PAPPA2: variants seen among roughly 807,000 people sequenced by gnomAD.
The protein encoded by PAPPA2 is pappalysin-2.
A neutral mutation model predicts 176.4 loss-of-function variants in PAPPA2; 86 were observed. The ratio of observed to expected loss-of-function variants is 0.49; its 90% CI spans 0.41 to 0.58. The LOEUF (loss-of-function observed/expected upper bound fraction) is 0.58, where lower values mean the gene tolerates loss of function less well. Among genes scored for constraint, PAPPA2 ranks in the 20% least tolerant of loss-of-function variants. The pLI, the probability that PAPPA2 is intolerant of heterozygous loss-of-function variation, is 0.00. For missense variants in PAPPA2, 2,073 were observed against 2,256.9 expected (o/e 0.92, Z 1.65); for synonymous variants, 809 against 852.2 (o/e 0.95, Z 0.88).
chr1:176,642,830 A>C (rs1657175106), intron 3 of PAPPA2, among the ~76,000 whole-genome samples: 1 of 151,942 alleles, frequency 6.6e-6, no homozygotes, highest in Non-Finnish European at 1.5e-5. Context: ...TTCTCCATTG[A>C]GATATTTGGA....
intron 3 of PAPPA2, among the ~76,000 whole-genome samples, chr1:176,650,422 T>C (rs1657652494): frequency 6.6e-6 from 1 of 151,306 alleles, no homozygotes; most frequent in Non-Finnish European, 1.5e-5. Flanking sequence ...TTTATTTTAT[T>C]ATATACTTTA....
intron 1 of PAPPA2, among the ~76,000 whole-genome samples, chr1:176,509,868 A>T (rs566804221): frequency 1.3e-5 from 2 of 148,982 alleles, no homozygotes; most frequent in Non-Finnish European, 3.0e-5. Flanking sequence ...ACAAAAAAAA[A>T]CAACAAAAAA....
At chr1:176,730,100 A>G (rs538526356) in intron 12 of PAPPA2, among the ~76,000 whole-genome samples, 1 of 151,908 alleles carries the variant, frequency 6.6e-6, no homozygotes. Context: ...TATTTTATAT[A>G]TTCATTTTTT....
At chr1:176,550,833 G>A (rs1650904435) in intron 1 of PAPPA2, among the ~76,000 whole-genome samples, 3 of 152,270 alleles carry the variant, frequency 2.0e-5, no homozygotes, top group Admixed American at 2.0e-4. Flanking sequence ...CCTTCTGAGT[G>A]TTATGTGATT....
intron 3 of PAPPA2, among the ~76,000 whole-genome samples, chr1:176,610,350 G>C (rs1025038359): frequency 2.1e-4 from 32 of 150,752 alleles, no homozygotes; most frequent in African/African-American, 6.5e-4. Context: ...TGTGTGGGGG[G>C]GGGGAGTAGG....
intron 3 of PAPPA2, among the ~76,000 whole-genome samples, chr1:176,610,361 A>T (rs142949494): frequency 1.6e-4 from 24 of 151,316 alleles, no homozygotes; most frequent in Non-Finnish European, 3.2e-4. Context: ...GGGGAGTAGG[A>T]TTTATAGGAA....
chr1:176,646,351 T>A (rs1473135942), intron 3 of PAPPA2, among the ~76,000 whole-genome samples: 1 of 151,392 alleles, frequency 6.6e-6, no homozygotes, highest in Non-Finnish European at 1.5e-5. Context: ...TGCATAATAA[T>A]CACATCAGGG....
At chr1:176,658,896 G>T (rs1261747363) in intron 3 of PAPPA2, among the ~76,000 whole-genome samples, 1 of 152,002 alleles carries the variant, frequency 6.6e-6, no homozygotes, top group Non-Finnish European at 1.5e-5. Flanking sequence ...AATAAGAAGA[G>T]ATTATAGAAC....
intron 3 of PAPPA2, among the ~76,000 whole-genome samples, chr1:176,660,340 G>T (rs1334122167): frequency 6.8e-6 from 1 of 147,258 alleles, no homozygotes; most frequent in East Asian, 1.9e-4. Flanking sequence ...GTTTGTTTGT[G>T]TGTGTGTGTG....
chr1:176,804,148 C>T (rs1422148960), intron 21 of PAPPA2, among the ~76,000 whole-genome samples: 1 of 152,182 alleles, frequency 6.6e-6, no homozygotes, highest in Non-Finnish European at 1.5e-5. Flanking sequence ...ATGTCTTGTA[C>T]ATAATTGTGC....
chr1:176,817,736 AAAAAG>A (rs1666464323), intron 21 of PAPPA2, among the ~76,000 whole-genome samples: 2 of 152,082 alleles, frequency 1.3e-5, no homozygotes, highest in Non-Finnish European at 2.9e-5. Flanking sequence ...TTAAAAAAAA[AAAAAG>A]AAAGAAAGAA....
intron 12 of PAPPA2, among the ~76,000 whole-genome samples, chr1:176,730,244 G>A (rs1197564448): frequency 1.3e-5 from 2 of 151,846 alleles, no homozygotes; most frequent in Non-Finnish European, 2.9e-5. Context: ...AAACCAACTG[G>A]TATGGGGCTT....
chr1:176,670,436 C>T (rs1425646928), intron 3 of PAPPA2, among the ~76,000 whole-genome samples: 3 of 152,148 alleles, frequency 2.0e-5, no homozygotes, highest in Non-Finnish European at 4.4e-5. Flanking sequence ...TTATGTCCTT[C>T]CCTGCTTATA....
At chr1:176,527,864 C>T (rs1005963870) in intron 1 of PAPPA2, among the ~76,000 whole-genome samples, 7 of 152,206 alleles carry the variant, frequency 4.6e-5, no homozygotes, top group South Asian at 2.1e-4. Flanking sequence ...GCCCAGCTCC[C>T]TGACAGACCT....
At chr1:176,507,114 A>G (rs1215834664) in intron 1 of PAPPA2, among the ~76,000 whole-genome samples, 1 of 152,134 alleles carries the variant, frequency 6.6e-6, no homozygotes, top group Non-Finnish European at 1.5e-5. Context: ...AACCCCATTA[A>G]AAAAAGGGCA....
intron 3 of PAPPA2, among the ~76,000 whole-genome samples, chr1:176,604,706 C>T (rs1654518277): frequency 6.6e-6 from 1 of 152,190 alleles, no homozygotes; most frequent in African/African-American, 2.4e-5. Context: ...ACTGTAACTT[C>T]CCATTCTTGT....
intron 1 of PAPPA2, among the ~76,000 whole-genome samples, chr1:176,518,490 C>T (rs1203955409): frequency 6.7e-6 from 1 of 149,858 alleles, no homozygotes; most frequent in African/African-American, 2.5e-5. Context: ...TACCAGAAGA[C>T]ACCCTGAAAC....
intron 1 of PAPPA2, among the ~76,000 whole-genome samples, chr1:176,508,626 A>G (rs1376316423): frequency 2.0e-5 from 3 of 152,168 alleles, no homozygotes; most frequent in Non-Finnish European, 2.9e-5. Context: ...TGACAATGAT[A>G]TGGTGTGGCT....
intron 3 of PAPPA2, among the ~76,000 whole-genome samples, chr1:176,651,168 C>T (rs1280114307): frequency 6.6e-6 from 1 of 151,524 alleles, no homozygotes; most frequent in African/African-American, 2.4e-5. Flanking sequence ...GATTGCACAC[C>T]ACAATTACAG....
Sources: allele counts gnomAD v4.1 joint callset (sites outside exome capture counted in the v4.1 genomes callset), GRCh38; gene constraint gnomAD v4.1.1; transcripts MANE v1.5; gene names NCBI Gene and HGNC (gene_info 2026-07-23, HGNC 2026-07-21).